PDE2A: variants seen among roughly 807,000 people sequenced by gnomAD.
PDE2A encodes phosphodiesterase 2A.
A neutral mutation model predicts 133.6 loss-of-function variants in PDE2A; 53 were observed. The observed-to-expected ratio is 0.40, with a 90% CI of 0.32 to 0.50. The LOEUF is 0.50. PDE2A is among the 20% of genes least tolerant of loss of function. The pLI is 0.73. For synonymous variants in PDE2A, 491 were observed against 490.2 expected, an observed-to-expected ratio of 1.00 and a Z score of -0.02; for missense variants, 796 against 1,232.4, an observed-to-expected ratio of 0.65 and a Z score of 5.30.
intron 2 of PDE2A, among the ~76,000 whole-genome samples, chr11:72,638,242 G>T (rs1858791814): frequency 6.6e-6 from 1 of 152,216 alleles, no homozygotes; most frequent in Non-Finnish European, 1.5e-5. Context: ...ACTGGTAAAA[G>T]AAGGGCCTGA....
chr11:72,577,446 C>T lies in PDE2A; in HGVS notation c.2764G>A (p.Val922Met), dbSNP rs1333105118. The T allele has an allele frequency of 1.7e-5, 28 of 1,613,906 alleles. No individual in the cohort carries two copies. The highest frequency in any genetic ancestry group is 2.1e-5 in the Non-Finnish European group (25 of 1,180,006). ...GCCCTAGTGCCATCCAGATCAGGCACCTCGTACTCCTCATCCAGGAAGTCC... is the reference window on the plus strand; with the variant it reads ...GCCCTAGTGCCATCCAGATCAGGCATCTCGTACTCCTCATCCAGGAAGTCC... ...SLDFLDEEYE[V>M]PDLDGTRAPI... Residue 922 changes from valine to methionine, a missense_variant, in exon 31 of 31, where the codon GTG (valine) becomes ATG (methionine). Coordinates refer to ENST00000334456, the MANE Select transcript of PDE2A (RefSeq NM_002599.5).
intron 20 of PDE2A, among the ~76,000 whole-genome samples, chr11:72,582,880 T>C (rs1291193631): frequency 1.3e-5 from 2 of 152,204 alleles, no homozygotes; most frequent in African/African-American, 4.8e-5. Flanking sequence ...AGTCCTCCTT[T>C]TGTGGAGACC....
rs1401401051 is a variant in PDE2A, at chr11:72,597,945, C to T, written c.324-326G>A. 2.0e-5 allele frequency among the ~76,000 whole-genome samples: 3 copies of T among 152,154 alleles called. No homozygotes were observed. Among genetic ancestry groups the T allele is most frequent in the African/African-American group, 7.2e-5 (3 of 41,410 alleles). On this transcript the variant is annotated intron_variant, in intron 4 of 30. Transcript: ENST00000334456. This position sits in a 1 kb window ranked among gnomAD's most constrained non-coding sequence, Gnocchi z 4.6. ...GCTAGGCTGCCTGCTACAATCTGAC[C>T]TTAGGCACATGACCTGACCTCTCTG...
chr11:72,623,098 A>G (rs2135399774), intron 2 of PDE2A, among the ~76,000 whole-genome samples: 1 of 152,278 alleles, frequency 6.6e-6, no homozygotes, highest in East Asian at 1.9e-4. Flanking sequence ...AACGTCTCCA[A>G]AGGGCTCTCC....
At chr11:72,634,415 G>A (rs1858579589) in intron 2 of PDE2A, among the ~76,000 whole-genome samples, 2 of 152,222 alleles carry the variant, frequency 1.3e-5, no homozygotes, top group Middle Eastern at 3.2e-3. Flanking sequence ...GGGGAAGTGG[G>A]GGAGGCTGTG....
chr11:72,580,035 AG>A, intron 25 of PDE2A: 1 of 203,078 alleles, frequency 4.9e-6, no homozygotes, highest in Non-Finnish European at 1.0e-5. Flanking sequence ...AGCTTATCTC[AG>A]GGGGGCAGAG....
intron 1 of PDE2A, among the ~76,000 whole-genome samples, chr11:72,663,860 C>G (rs1213551446): frequency 6.6e-6 from 1 of 152,218 alleles, no homozygotes; most frequent in Non-Finnish European, 1.5e-5. Context: ...TCCATGCCCT[C>G]TCTGTTCTTC....
intron 3 of PDE2A, among the ~76,000 whole-genome samples, chr11:72,605,586 G>A (rs552611190): frequency 7.2e-5 from 11 of 152,300 alleles, no homozygotes; most frequent in African/African-American, 2.6e-4. Flanking sequence ...TCCAGCCTCA[G>A]GCATTCAGCA....
chr11:72,591,411 C>T, intron 6 of PDE2A, 55 bp from the exon 7 acceptor site: 2 of 1,383,482 alleles, frequency 1.4e-6, no homozygotes, highest in South Asian at 2.3e-5. Flanking sequence ...TCTGTCTCTG[C>T]CAGAGTGCCC....
intron 2 of PDE2A, among the ~76,000 whole-genome samples, chr11:72,620,633 G>C (rs181248817): frequency 2.6e-4 from 40 of 152,120 alleles, no homozygotes; most frequent in Non-Finnish European, 2.9e-5. Flanking sequence ...CCTCAGCTGC[G>C]GGTATGGACT....
chr11:72,579,102 G>C, intron 27 of PDE2A, 93 bp from the exon 28 acceptor site: 1 of 1,046,936 alleles, frequency 9.6e-7, no homozygotes, highest in Non-Finnish European at 1.5e-6. Context: ...AGCGGTCCAG[G>C]GAATTGGGCA....
Position 72,586,161 on chromosome 11 carries a change from T to C in PDE2A, c.1091A>G (p.His364Arg), listed in dbSNP as rs751322213. 3 of 1,611,584 alleles carry C rather than the reference T, an allele frequency of 1.9e-6. No homozygotes were observed. Among genetic ancestry groups the C allele is most frequent in the Admixed American group, 1.7e-5 (1 of 59,836 alleles). Residue 364 changes from histidine to arginine, a missense_variant, in exon 14 of 31, where the codon CAT becomes CGT. By Grantham distance (29) the His-to-Arg change is conservative (BLOSUM62 0). This residue lies in a region of PDE2A where 417 missense variants were observed against 475.3 expected (regional missense o/e 0.88). Transcript: ENST00000334456. ...EGDLFTDEDE[H>R]VIQHCFHYTS... ...GTAGTGGAAGCAGTGCTGGATCACATGCTCGTCCTCGTCGGTGAACCTGGA... is the reference window on the plus strand; with the variant it reads ...GTAGTGGAAGCAGTGCTGGATCACACGCTCGTCCTCGTCGGTGAACCTGGA...
chr11:72,635,743 C>T (rs1004373886), intron 2 of PDE2A, among the ~76,000 whole-genome samples: 4 of 152,204 alleles, frequency 2.6e-5, no homozygotes, highest in African/African-American at 9.7e-5. Context: ...CAAGAATACC[C>T]GAGAGTGGGG....
intron 1 of PDE2A, chr11:72,668,562 C>A: frequency 5.9e-6 from 4 of 676,850 alleles, no homozygotes; most frequent in South Asian, 1.5e-5. Context: ...GGGCTCCACA[C>A]AGCCCAGCAC....
At chr11:72,585,945 T>C (rs1855952699) in intron 14 of PDE2A, 125 bp downstream of exon 14, 1 of 686,490 alleles carries the variant, frequency 1.5e-6, no homozygotes, top group Non-Finnish European at 2.6e-6. Flanking sequence ...TATGAGGTTA[T>C]GGAGCCACCT....
At chr11:72,596,474 TCTCTCTCTCTCACACA>T (rs1856487171) in intron 6 of PDE2A, 103 bp downstream of exon 6, 3 of 248,212 alleles carry the variant, frequency 1.2e-5, no homozygotes, top group Non-Finnish European at 2.1e-5. Flanking sequence ...TCTCTCTCTC[TCTCTCTCTCTCACACA>T]CACACACACA....
intron 2 of PDE2A, 21 bp from the exon 3 acceptor site, chr11:72,608,772 G>A (rs1488596765): frequency 1.4e-6 from 2 of 1,411,906 alleles, no homozygotes; most frequent in Non-Finnish European, 2.0e-6. Context: ...GGAGAGGGCA[G>A]TGAGAGGCTT....
chr11:72,582,618 T>C, intron 20 of PDE2A, 52 bp from the exon 21 acceptor site: 1 of 1,541,910 alleles, frequency 6.5e-7, no homozygotes, highest in South Asian at 1.2e-5. Context: ...CCATCTGGTG[T>C]CTTCACCCTC....
chr11:72,598,799 C>A, intron 4 of PDE2A: 1 of 985,416 alleles, frequency 1.0e-6, no homozygotes. Flanking sequence ...TGAACCAAAC[C>A]CATTCCTTCC....
Sources: allele counts gnomAD v4.1 joint callset (sites outside exome capture counted in the v4.1 genomes callset), GRCh38; gene constraint gnomAD v4.1.1; regional missense constraint gnomAD v4.1.1; non-coding constraint Gnocchi (gnomAD v3.1); transcripts MANE v1.5; gene names NCBI Gene and HGNC (gene_info 2026-07-23, HGNC 2026-07-21).